The following RAD51B variants were observed in gnomAD, a reference collection of about 807,000 sequenced individuals.
The protein encoded by RAD51B is DNA repair protein RAD51 homolog 2.
RAD51B carries 38 observed loss-of-function variants against 42.2 expected under a neutral mutation model. The observed-to-expected ratio is 0.90, with a 90% CI of 0.70 to 1.18. The LOEUF (loss-of-function observed/expected upper bound fraction) is 1.18, where lower values mean the gene tolerates loss of function less well. Ranked by LOEUF, RAD51B falls within the 50% of genes most tolerant of loss-of-function variation. The probability of loss-of-function intolerance (pLI) is 0.00; values close to 1 mark genes in which losing one functional copy is unlikely to be tolerated. For missense variants in RAD51B, 373 were observed against 400.7 expected, an observed-to-expected ratio of 0.93 and a Z score of 0.59; for synonymous variants, 154 against 145.2, an observed-to-expected ratio of 1.06 and a Z score of -0.43.
intron 7 of RAD51B, among the ~76,000 whole-genome samples, chr14:68,143,865 A>C (rs1016848121): frequency 6.6e-6 from 1 of 152,148 alleles, no homozygotes; most frequent in African/African-American, 2.4e-5. Context: ...TGGACAGTCC[A>C]AACAGTGTTC....
intron 7 of RAD51B, among the ~76,000 whole-genome samples, chr14:68,030,381 A>G (rs900616323): frequency 6.6e-6 from 1 of 152,158 alleles, no homozygotes; most frequent in South Asian, 2.1e-4. Flanking sequence ...GATTTTCTGG[A>G]TAACTTTCTG....
At chr14:68,498,190 C>T (rs1453111646) in intron 10 of RAD51B, among the ~76,000 whole-genome samples, 1 of 152,220 alleles carries the variant, frequency 6.6e-6, no homozygotes, top group African/African-American at 2.4e-5. Context: ...CAAGACCCTT[C>T]TAGAGGGCTC....
At chr14:68,346,990 C>T (rs1249079250) in intron 8 of RAD51B, among the ~76,000 whole-genome samples, 5 of 152,174 alleles carry the variant, frequency 3.3e-5, no homozygotes, top group South Asian at 2.1e-4. Flanking sequence ...AAGACTCAAT[C>T]GAAGTGCCAC....
chr14:68,141,967 A>G (rs1477608319), intron 7 of RAD51B, among the ~76,000 whole-genome samples: 1 of 151,870 alleles, frequency 6.6e-6, no homozygotes, highest in East Asian at 1.9e-4. Flanking sequence ...CATTCCATTC[A>G]TATGTTGGTT....
intron 7 of RAD51B, among the ~76,000 whole-genome samples, chr14:68,087,938 TTTATTA>T (rs1214367701): frequency 8.2e-6 from 1 of 122,156 alleles, no homozygotes; most frequent in Non-Finnish European, 1.6e-5. Context: ...AATTATATAA[TTTATTA>T]TTATATATAA....
At chr14:67,845,999 C>A (rs1039183910) in intron 4 of RAD51B, among the ~76,000 whole-genome samples, 2 of 152,182 alleles carry the variant, frequency 1.3e-5, no homozygotes, top group African/African-American at 4.8e-5. Flanking sequence ...AGGTTAGGAA[C>A]CTTCTGTGCT....
chr14:68,013,684 TTAC>T (rs758202198), intron 7 of RAD51B, among the ~76,000 whole-genome samples: 43 of 152,318 alleles, frequency 2.8e-4, no homozygotes, highest in Non-Finnish European at 5.4e-4. Flanking sequence ...AACAAATAAT[TTAC>T]TATGATTTTA....
chr14:68,619,475 A>AAAG (rs1566956892), intron 10 of RAD51B, among the ~76,000 whole-genome samples: 2 of 151,456 alleles, frequency 1.3e-5, no homozygotes, highest in Admixed American at 6.6e-5. Context: ...AAAAAAAAGA[A>AAAG]AAAAAAAAGT....
At chr14:68,629,210 G>A (rs1892168096) in intron 10 of RAD51B, among the ~76,000 whole-genome samples, 1 of 152,154 alleles carries the variant, frequency 6.6e-6, no homozygotes, top group Admixed American at 6.5e-5. Flanking sequence ...TCAGCTGACA[G>A]AGAAGCTGCC....
At chr14:67,879,414 A>G (rs954036780) in intron 5 of RAD51B, among the ~76,000 whole-genome samples, 1 of 152,158 alleles carries the variant, frequency 6.6e-6, no homozygotes, top group African/African-American at 2.4e-5. Flanking sequence ...AGTTGACACA[A>G]AACTGACTGT....
chr14:68,497,830 G>A lies in RAD51B; in HGVS notation c.1036+29580G>A, dbSNP rs115695851. On this transcript the variant is annotated intron_variant, in intron 10 of 10. Coordinates refer to the RAD51B transcript ENST00000487270. ...TTTCAAGTCTCCTCCATGGTGTAGC[G>A]TGCATCAGTACTTCATTCTTTTTAT... 769 of 215,194 alleles carry A rather than the reference G, an allele frequency of 3.6e-3. 9 individuals are homozygous for A. Among genetic ancestry groups the A allele is most frequent in the African/African-American group, 0.016 (715 of 44,286 alleles). The allele number at this position is 215,194 out of a possible 1,614,324, so 13.3% of individuals were successfully genotyped here.
chr14:68,642,830 T>A (rs1489702606), intron 10 of RAD51B, among the ~76,000 whole-genome samples: 2 of 152,256 alleles, frequency 1.3e-5, no homozygotes, highest in African/African-American at 4.8e-5. Context: ...CAAGTATTTT[T>A]AAATTTCGTC....
chr14:68,675,389 C>T (rs780533350), intron 11 of RAD51B, among the ~76,000 whole-genome samples: 24 of 152,026 alleles, frequency 1.6e-4, no homozygotes, highest in Non-Finnish European at 2.4e-4. Flanking sequence ...AGTGTCCAGG[C>T]AAATGGGCAT....
At chr14:68,322,475 A>ATACTAGG (rs1374869724) in intron 8 of RAD51B, among the ~76,000 whole-genome samples, 2 of 152,084 alleles carry the variant, frequency 1.3e-5, no homozygotes, top group African/African-American at 4.8e-5. Flanking sequence ...TGGCCCTGTA[A>ATACTAGG]TACTAGGTTT....
intron 5 of RAD51B, among the ~76,000 whole-genome samples, chr14:67,872,656 G>T (rs971646069): frequency 6.6e-6 from 1 of 151,866 alleles, no homozygotes; most frequent in African/African-American, 2.4e-5. Context: ...AAAGAACAAG[G>T]CTGGAGGCAT....
rs147625965 is a variant in RAD51B at position 68,133,790 on chromosome 14, T to G, written c.757-158094T>G. 1.6e-4 allele frequency among the ~76,000 whole-genome samples: 25 copies of G among 152,262 alleles called. 1 individual carries two copies. In the East Asian group the frequency reaches 2.7e-3, roughly 16 times the overall value. ...CCTGGCCAAATCTGAATGATTTTTT[T>G]AAGATTATTTTGGCTTGTTAAGAAA... On this transcript the variant is annotated intron_variant, in intron 7 of 10. Transcript: ENST00000471583.
intron 10 of RAD51B, among the ~76,000 whole-genome samples, chr14:68,648,086 CGT>C (rs199695080): frequency 0.41 from 25,330 of 61,214 alleles, 4,655 homozygotes; most frequent in East Asian, 0.54. Flanking sequence ...CGTATATATA[CGT>C]GTGTGTATAT....
intron 10 of RAD51B, chr14:68,594,470 T>TTC (rs1566948854): frequency 2.9e-6 from 4 of 1,363,948 alleles, no homozygotes; most frequent in Middle Eastern, 2.1e-4. Context: ...TTCCTTTTTT[T>TTC]TCTCTCTCTC....
intron 7 of RAD51B, among the ~76,000 whole-genome samples, chr14:68,091,060 C>T (rs1462791419): frequency 6.6e-6 from 1 of 151,986 alleles, no homozygotes; most frequent in East Asian, 1.9e-4. Context: ...CATAGTATTC[C>T]ATGGCGTATA....
Sources: allele counts gnomAD v4.1 joint callset (sites outside exome capture counted in the v4.1 genomes callset), GRCh38; gene constraint gnomAD v4.1.1; transcripts MANE v1.5; gene names NCBI Gene and HGNC (gene_info 2026-07-23, HGNC 2026-07-21).